PAG1: variants seen among roughly 807,000 people sequenced by gnomAD.
PAG1 encodes the protein phosphoprotein membrane anchor with glycosphingolipid microdomains 1.
In PAG1, 23 loss-of-function variants were observed where a neutral mutation model predicts 31.7. That is an observed-to-expected ratio of 0.73 (90% CI 0.52 to 1.03). PAG1 has a LOEUF of 1.03. Among genes scored for constraint, PAG1 ranks in the 50% least tolerant of loss-of-function variants. The pLI is 0.00. For missense variants in PAG1, 473 were observed against 540.7 expected (o/e 0.87, Z 1.24); for synonymous variants, 214 against 210.3 (o/e 1.02, Z -0.15).
chr8:81,065,107 GC>G (rs1485844009), intron 2 of PAG1, among the ~76,000 whole-genome samples: 1 of 152,128 alleles, frequency 6.6e-6, no homozygotes, highest in East Asian at 1.9e-4. Flanking sequence ...GGCGCTCAAG[GC>G]CCCAGCCTCT....
chr8:81,086,968 G>C (rs997015378), intron 1 of PAG1, among the ~76,000 whole-genome samples: 7 of 151,594 alleles, frequency 4.6e-5, no homozygotes, highest in Non-Finnish European at 1.0e-4. Flanking sequence ...TCTATTCTAA[G>C]GTATATATCT....
chr8:80,988,638 G>C (rs1461926096), intron 5 of PAG1, among the ~76,000 whole-genome samples: 1 of 152,118 alleles, frequency 6.6e-6, no homozygotes, highest in Non-Finnish European at 1.5e-5. Context: ...TCCCATAAGA[G>C]ATGGGATCTT....
At chr8:81,064,303 T>C (rs1808968148) in intron 2 of PAG1, among the ~76,000 whole-genome samples, 1 of 152,156 alleles carries the variant, frequency 6.6e-6, no homozygotes, top group Admixed American at 6.5e-5. Flanking sequence ...ATAGAGTCCA[T>C]GCTTCTGTGA....
At chr8:81,099,291 G>T (rs934859613) in intron 1 of PAG1, among the ~76,000 whole-genome samples, 1 of 152,190 alleles carries the variant, frequency 6.6e-6, no homozygotes, top group Admixed American at 6.5e-5. Context: ...CCCACATCTT[G>T]AGAGTATTTA....
chr8:81,026,413 C>A (rs552007380), intron 3 of PAG1, among the ~76,000 whole-genome samples: 1 of 149,424 alleles, frequency 6.7e-6, no homozygotes, highest in Non-Finnish European at 1.5e-5. Flanking sequence ...CAATTTCCCT[C>A]GACCGATAAA....
chr8:80,972,669 T>C lies in PAG1; in HGVS notation c.*3875A>G, dbSNP rs1807101139. 6.6e-6 allele frequency: 1 copy of C among 152,182 alleles called. No individual in the cohort carries two copies. Among genetic ancestry groups the C allele is most frequent in the South Asian group, 2.1e-4 (1 of 4,834 alleles). The allele number at this position is 152,182 out of a possible 1,614,324, so 9.4% of individuals were successfully genotyped here. On this transcript the variant is annotated 3_prime_UTR_variant, in exon 9 of 9. Transcript: ENST00000220597. ...AAGTAAGTCACATGTATAACAAAACTGTCTTAAAATACCACTGTTTTTCAG... is the reference window on the plus strand; with the variant it reads ...AAGTAAGTCACATGTATAACAAAACCGTCTTAAAATACCACTGTTTTTCAG...
chr8:81,002,659 C>A (rs1014108056), intron 3 of PAG1, among the ~76,000 whole-genome samples: 2 of 152,124 alleles, frequency 1.3e-5, no homozygotes, highest in East Asian at 3.8e-4. Flanking sequence ...AATATTGTAC[C>A]CAGCAATGGC....
intron 1 of PAG1, among the ~76,000 whole-genome samples, chr8:81,100,225 A>G (rs1809587751): frequency 6.6e-6 from 1 of 152,258 alleles, no homozygotes; most frequent in Non-Finnish European, 1.5e-5. Context: ...AAGACAGGGT[A>G]TACCCCTGAG....
rs767840875 is a variant in PAG1, at chr8:80,985,197, T to A, written c.455A>T (p.Asp152Val). 1 of 1,614,056 alleles carries A rather than the reference T, an allele frequency of 6.2e-7. No homozygotes were observed. Among genetic ancestry groups the A allele is most frequent in the Non-Finnish European group, 8.5e-7 (1 of 1,179,990 alleles). ...VDTMLTARSVDGDQGLGMEGP... is the reference protein window; with the variant it reads ...VDTMLTARSVVGDQGLGMEGP... ...TTCCATCCCCAGCCCCTGGTCCCCG[T>A]CCACACTTCTCGCCGTGAGCATGGT... is the stretch of plus-strand genomic sequence containing the variant. Residue 152 changes from aspartate to valine, a missense_variant, in exon 7 of 9, where the codon GAC becomes GTC. Transcript: ENST00000220597.
intron 8 of PAG1, among the ~76,000 whole-genome samples, chr8:80,977,617 A>T (rs192032241): frequency 1.3e-5 from 2 of 152,318 alleles, no homozygotes; most frequent in African/African-American, 4.8e-5. Flanking sequence ...TTAAACAGAC[A>T]TTGACAGTCC....
intron 2 of PAG1, among the ~76,000 whole-genome samples, chr8:81,050,355 A>G (rs183854413): frequency 6.6e-6 from 1 of 152,154 alleles, no homozygotes; most frequent in East Asian, 1.9e-4. Context: ...AATAAAGCAA[A>G]CTTAGATTTA....
chr8:81,085,285 A>G lies in PAG1; in HGVS notation c.-233-15115T>C, dbSNP rs115651452. Among the ~76,000 whole-genome samples the G allele has an allele frequency of 8.7e-3, 1,333 of 152,356 alleles. 23 individuals are homozygous for G. The highest frequency in any genetic ancestry group is 0.03 in the African/African-American group (1,265 of 41,580). On this transcript the variant is annotated intron_variant, in intron 1 of 8. Transcript: ENST00000220597. ...GGTACAGTAGTCAGTGAAATGTAAAATAAGGATTAACAAGCCATTCTGGAG... is the reference window on the plus strand; with the variant it reads ...GGTACAGTAGTCAGTGAAATGTAAAGTAAGGATTAACAAGCCATTCTGGAG...
At chr8:80,982,554 T>A (rs1807329721) in intron 7 of PAG1, among the ~76,000 whole-genome samples, 1 of 152,212 alleles carries the variant, frequency 6.6e-6, no homozygotes, top group African/African-American at 2.4e-5. Context: ...AACCACATTC[T>A]GTGGATGACT....
At position 80,969,036 on chromosome 8, in the gene PAG1, C is replaced by G. The variant is rs1167673656; in HGVS notation, c.*7508G>C. ...AAAAAGTGTCAAGGTCGCAAGCATACTAGAATGCTCACAAATGTTTGCTGA... is the reference window on the plus strand; with the variant it reads ...AAAAAGTGTCAAGGTCGCAAGCATAGTAGAATGCTCACAAATGTTTGCTGA... On this transcript the variant is annotated 3_prime_UTR_variant, in exon 9 of 9. Coordinates refer to ENST00000220597, the MANE Select transcript of PAG1 (RefSeq NM_018440.4). 6.6e-6 allele frequency: 1 copy of G among 152,190 alleles called. No individual in the cohort carries two copies. The highest frequency in any genetic ancestry group is 1.5e-5 in the Non-Finnish European group (1 of 68,040). The allele number at this position is 152,190 out of a possible 1,614,324, so 9.4% of individuals were successfully genotyped here.
intron 2 of PAG1, among the ~76,000 whole-genome samples, chr8:81,039,745 A>G (rs1237684148): frequency 2.0e-5 from 3 of 152,224 alleles, no homozygotes; most frequent in Admixed American, 6.5e-5. Context: ...TTACACATCA[A>G]TCCATCTGCT....
intron 1 of PAG1, among the ~76,000 whole-genome samples, chr8:81,097,607 G>A (rs552785271): frequency 2.6e-4 from 40 of 152,022 alleles, no homozygotes; most frequent in Non-Finnish European, 4.4e-4. Flanking sequence ...TAGGAAAGGC[G>A]AGGTTCGTAA....
chr8:81,099,051 T>A (rs1248451126), intron 1 of PAG1, among the ~76,000 whole-genome samples: 1 of 152,186 alleles, frequency 6.6e-6, no homozygotes, highest in African/African-American at 2.4e-5. Context: ...ATGTGGTTAG[T>A]TTTTCTCTAA....
chr8:81,058,829 G>A (rs1319715227), intron 2 of PAG1: 1 of 152,060 alleles, frequency 6.6e-6, no homozygotes. Flanking sequence ...CCTAGGAGTT[G>A]GAGGCTGCAC....
intron 2 of PAG1, among the ~76,000 whole-genome samples, chr8:81,064,184 A>G (rs1193932518): frequency 6.6e-6 from 1 of 152,168 alleles, no homozygotes; most frequent in Non-Finnish European, 1.5e-5. Context: ...GGTTTCATGG[A>G]AGACAATTTT....
Sources: gnomAD v4.1 joint callset for allele counts (sites outside exome capture counted in the v4.1 genomes callset) on GRCh38, gnomAD v4.1.1 for gene constraint, MANE v1.5 for transcripts, NCBI Gene and HGNC (gene_info 2026-07-23, HGNC 2026-07-21) for gene names.